CNTLN: variants seen among roughly 807,000 people sequenced by gnomAD.
The protein encoded by CNTLN is centlein.
CNTLN carries 212 observed loss-of-function variants against 180.0 expected under a neutral mutation model. The ratio of observed to expected loss-of-function variants is 1.18; its 90% CI spans 1.05 to 1.32. CNTLN has a LOEUF of 1.32. CNTLN is among the 40% of genes most tolerant of loss of function. The pLI, the probability that CNTLN is intolerant of heterozygous loss-of-function variation, is 0.00. For synonymous variants in CNTLN, 722 were observed against 563.1 expected (o/e 1.28, Z -3.99); for missense variants, 2,095 against 1,610.9 (o/e 1.30, Z -5.14).
intron 13 of CNTLN, 121 bp from the exon 14 acceptor site, chr9:17,388,041 G>T: frequency 1.2e-5 from 6 of 493,568 alleles, no homozygotes; most frequent in East Asian, 6.9e-5. Flanking sequence ...CCAAATACTT[G>T]ACAAGAAAAT....
At chr9:17,220,757 C>G (rs543296921) in intron 2 of CNTLN, among the ~76,000 whole-genome samples, 53 of 152,264 alleles carry the variant, frequency 3.5e-4, no homozygotes, top group African/African-American at 1.2e-3. Context: ...CCATCCCTGT[C>G]CCTGCAAAGG....
At chr9:17,200,834 G>A (rs1384477823) in intron 2 of CNTLN, among the ~76,000 whole-genome samples, 1 of 151,994 alleles carries the variant, frequency 6.6e-6, no homozygotes, top group Non-Finnish European at 1.5e-5. Context: ...TATTTCTTTT[G>A]CCTGATTGCC....
rs142791840 is a variant in CNTLN, at chr9:17,145,700, C to G, written c.449+2324C>G. On this transcript the variant is annotated intron_variant, in intron 2 of 25. Transcript: ENST00000380647. Reference sequence around the variant, plus strand: ...GGTATGGATTTGGACGAATTAATTTCTAAACCTACTCACGTTTGTCATCAT... The same window carrying G: ...GGTATGGATTTGGACGAATTAATTTGTAAACCTACTCACGTTTGTCATCAT... 4.2e-3 allele frequency among the ~76,000 whole-genome samples: 633 copies of G among 152,308 alleles called. 1 individual carries two copies. The highest frequency in any genetic ancestry group is 0.014 in the African/African-American group (577 of 41,566).
At chr9:17,388,404 G>A (rs1825851590) in intron 14 of CNTLN, 151 bp downstream of exon 14, 1 of 561,102 alleles carries the variant, frequency 1.8e-6, no homozygotes, top group Admixed American at 2.9e-5. Context: ...TGCCAAAATG[G>A]GGTAAAAAAA....
At chr9:17,195,640 A>T (rs1822081539) in intron 2 of CNTLN, among the ~76,000 whole-genome samples, 1 of 152,228 alleles carries the variant, frequency 6.6e-6, no homozygotes. Context: ...ATATGTGCCC[A>T]GCATTCTGCC....
At chr9:17,425,073 A>G (rs989713718) in intron 18 of CNTLN, among the ~76,000 whole-genome samples, 17 of 152,222 alleles carry the variant, frequency 1.1e-4, no homozygotes, top group Admixed American at 3.3e-4. Flanking sequence ...TAGCGAAAAC[A>G]GAGTAACCTT....
Position 17,378,203 on chromosome 9 carries a change from C to T in CNTLN, c.1988-9959C>T, listed in dbSNP as rs113752533. On this transcript the variant is annotated intron_variant, in intron 13 of 25. Transcript: ENST00000380647. ...TCGTTCTTTTGTTCTTTTTTTGAGA[C>T]GGAGTCTTCCTCTGTCACCAGGCTG... Among the ~76,000 whole-genome samples, 20 of 152,114 alleles carry T rather than the reference C, an allele frequency of 1.3e-4. 1 individual carries two copies. Among genetic ancestry groups the T allele is most frequent in the African/African-American group, 3.4e-4 (14 of 41,492 alleles).
At chr9:17,200,922 G>T (rs559515054) in intron 2 of CNTLN, among the ~76,000 whole-genome samples, 1 of 152,266 alleles carries the variant, frequency 6.6e-6, no homozygotes, top group South Asian at 2.1e-4. Flanking sequence ...TTTTCAAAGG[G>T]AATGTTTCCA....
chr9:17,412,878 A>G lies in CNTLN; in HGVS notation c.2797-2910A>G, dbSNP rs140102171. Among the ~76,000 whole-genome samples, 52 of 152,374 alleles carry G rather than the reference A, an allele frequency of 3.4e-4. 1 individual carries two copies. Among genetic ancestry groups the G allele is most frequent in the African/African-American group, 1.2e-3 (49 of 41,586 alleles). The stretch of plus-strand genomic sequence containing the variant: ...GGACAGGCCTAAAACAAAACAAAAT[A>G]GACCTAAAACAAAAGCAATAGACTA... On this transcript the variant is annotated intron_variant, in intron 16 of 25. Transcript: ENST00000380647.
At chr9:17,135,904 A>C in intron 1 of CNTLN, among the ~76,000 whole-genome samples, 1 of 152,196 alleles carries the variant, frequency 6.6e-6, no homozygotes, top group East Asian at 1.9e-4. Flanking sequence ...AGTCAAACTT[A>C]AGTTGTAAAC....
chr9:17,191,795 A>G (rs77540891), intron 2 of CNTLN, among the ~76,000 whole-genome samples: 3,730 of 152,308 alleles, frequency 0.024, 153 homozygotes, highest in African/African-American at 0.086. Flanking sequence ...ATAAAAATGA[A>G]GGAAGATGAG....
At chr9:17,361,730 A>C (rs1359364017) in intron 12 of CNTLN, among the ~76,000 whole-genome samples, 10 of 152,170 alleles carry the variant, frequency 6.6e-5, no homozygotes, top group Admixed American at 6.5e-4. Context: ...CCTGTCTGGA[A>C]AGTGCTTTCA....
At chr9:17,150,383 C>T (rs1013055679) in intron 2 of CNTLN, among the ~76,000 whole-genome samples, 1 of 152,202 alleles carries the variant, frequency 6.6e-6, no homozygotes, top group African/African-American at 2.4e-5. Flanking sequence ...AGCCAGTTTT[C>T]CCAACACCAT....
intron 15 of CNTLN, among the ~76,000 whole-genome samples, chr9:17,399,689 C>T (rs1826817822): frequency 6.6e-6 from 1 of 152,118 alleles, no homozygotes; most frequent in Non-Finnish European, 1.5e-5. Context: ...CATACTCCTC[C>T]CAAAATATAG....
At chr9:17,141,384 G>A (rs912588847) in intron 1 of CNTLN, among the ~76,000 whole-genome samples, 1 of 152,188 alleles carries the variant, frequency 6.6e-6, no homozygotes, top group African/African-American at 2.4e-5. Context: ...TATTATTTAA[G>A]AAAAGGCTTG....
chr9:17,503,587 C>T lies in CNTLN; in HGVS notation c.*935C>T, dbSNP rs1472830974. On this transcript the variant is annotated 3_prime_UTR_variant, in exon 26 of 26. Coordinates refer to ENST00000380647, the MANE Select transcript of CNTLN (RefSeq NM_017738.4). ...CTTGTCATCATTCAGCTCCACCTTC[C>T]CCGGTCCCTCAGAGACACATTCTCT... is the stretch of plus-strand genomic sequence containing the variant. 1.3e-5 allele frequency: 2 copies of T among 152,278 alleles called. No homozygotes were observed. Among genetic ancestry groups the T allele is most frequent in the South Asian group, 2.1e-4 (1 of 4,824 alleles). The allele number at this position is 152,278 out of a possible 1,614,324, so 9.4% of individuals were successfully genotyped here.
At chr9:17,525,071 T>C in the CNTLN span, among the ~76,000 whole-genome samples, 1 of 152,324 alleles carries the variant, frequency 6.6e-6, no homozygotes, top group African/African-American at 2.4e-5. Flanking sequence ...TTGGACATTT[T>C]ACTAATTTGT....
At chr9:17,330,428 A>C (rs562333889) in intron 8 of CNTLN, among the ~76,000 whole-genome samples, 2 of 152,166 alleles carry the variant, frequency 1.3e-5, no homozygotes, top group South Asian at 2.1e-4. Flanking sequence ...AAATACTTGC[A>C]TATAGACTCT....
chr9:17,222,584 C>T (rs1399572762), intron 2 of CNTLN, among the ~76,000 whole-genome samples: 2 of 152,010 alleles, frequency 1.3e-5, no homozygotes, highest in African/African-American at 4.8e-5. Flanking sequence ...GTACCTTTCA[C>T]CTCCTGCCAT....
Sources: allele counts gnomAD v4.1 joint callset (sites outside exome capture counted in the v4.1 genomes callset), GRCh38; gene constraint gnomAD v4.1.1; transcripts MANE v1.5; gene names NCBI Gene and HGNC (gene_info 2026-07-23, HGNC 2026-07-21).